Variants in ATP9A observed in about 807,000 individuals in gnomAD.
ATP9A encodes ATPase phospholipid transporting 9A.
A neutral mutation model predicts 144.1 loss-of-function variants in ATP9A; 52 were observed. The observed-to-expected ratio is 0.36, with a 90% confidence interval of 0.29 to 0.45. ATP9A has a LOEUF of 0.45. ATP9A is among the 20% of genes least tolerant of loss of function. The pLI is 1.00. For missense variants in ATP9A, 947 were observed against 1,392.7 expected (o/e 0.68, Z 5.09); for synonymous variants, 582 against 557.4 (o/e 1.04, Z -0.62).
intron 4 of ATP9A, among the ~76,000 whole-genome samples, chr20:51,709,271 T>C (rs924397510): frequency 1.3e-5 from 2 of 152,018 alleles, no homozygotes; most frequent in African/African-American, 4.8e-5. Context: ...TCCCAACACT[T>C]TGGGAGGCTG....
intron 3 of ATP9A, 72 bp downstream of exon 3, chr20:51,725,747 A>C (rs1048316449): frequency 5.5e-6 from 6 of 1,086,132 alleles, no homozygotes; most frequent in Non-Finnish European, 4.2e-6. Flanking sequence ...CAGATGCCTA[A>C]GTGAGAGAAA....
intron 1 of ATP9A, among the ~76,000 whole-genome samples, chr20:51,741,272 C>A (rs62226753): frequency 0.012 from 1,816 of 152,222 alleles, 16 homozygotes; most frequent in Middle Eastern, 0.048. Context: ...AGGAAGCACA[C>A]ACGAACATTA....
At chr20:51,750,491 A>G (rs1353998481) in intron 1 of ATP9A, among the ~76,000 whole-genome samples, 3 of 152,214 alleles carry the variant, frequency 2.0e-5, no homozygotes, top group African/African-American at 7.2e-5. Context: ...AAAAAATTCC[A>G]GAAAACAGGA....
intron 6 of ATP9A, among the ~76,000 whole-genome samples, chr20:51,694,404 T>G (rs1244745891): frequency 6.6e-6 from 1 of 152,112 alleles, no homozygotes; most frequent in Admixed American, 6.5e-5. Context: ...GCTGTAAAGA[T>G]TCAATGGGGA....
chr20:51,641,615 G>A (rs2077319295), intron 14 of ATP9A, among the ~76,000 whole-genome samples: 1 of 151,270 alleles, frequency 6.6e-6, no homozygotes, highest in African/African-American at 2.4e-5. Context: ...AGGAGTTCGA[G>A]ACCAGCCTGG....
At chr20:51,608,215 T>C (rs1379707252) in intron 25 of ATP9A, among the ~76,000 whole-genome samples, 1 of 152,182 alleles carries the variant, frequency 6.6e-6, no homozygotes, top group Non-Finnish European at 1.5e-5. Flanking sequence ...AAACGTTAAG[T>C]TGCAACTGCA....
At chr20:51,721,615 C>T (rs6126322) in intron 3 of ATP9A, among the ~76,000 whole-genome samples, 32,841 of 151,660 alleles carry the variant, frequency 0.22, 4,151 homozygotes, top group East Asian at 0.44. Flanking sequence ...CTGGCTAACA[C>T]AGGTGAAACC....
intron 14 of ATP9A, among the ~76,000 whole-genome samples, chr20:51,642,508 C>G (rs2077323782): frequency 6.6e-6 from 1 of 151,816 alleles, no homozygotes; most frequent in Non-Finnish European, 1.5e-5. Context: ...TTCTATAGAT[C>G]AGGGGTGGAC....
chr20:51,748,908 T>TAGAG (rs2077819352), intron 1 of ATP9A, among the ~76,000 whole-genome samples: 1 of 109,200 alleles, frequency 9.2e-6, no homozygotes, highest in Non-Finnish European at 2.0e-5. Context: ...CTCTAAAGAT[T>TAGAG]AGATAGATAG....
Position 51,747,879 on chromosome 20 carries a change from C to A in ATP9A, c.69-17901G>T, listed in dbSNP as rs1183170257. 3.9e-5 allele frequency among the ~76,000 whole-genome samples: 6 copies of A among 152,306 alleles called. No individual in the cohort carries two copies. In the East Asian group the frequency reaches 1.2e-3, roughly 29 times the overall value. ...CTTTACCAAGCCACCCTCCTGCAGC[C>A]AAGGCAGGCATGCCCCGGAACCCTA... On this transcript the variant is annotated intron_variant, in intron 1 of 27. Coordinates refer to ENST00000338821, the MANE Select transcript of ATP9A (RefSeq NM_006045.3).
intron 2 of ATP9A, among the ~76,000 whole-genome samples, chr20:51,728,344 C>T (rs1011176241): frequency 4.6e-5 from 7 of 152,090 alleles, no homozygotes; most frequent in Non-Finnish European, 7.4e-5. Flanking sequence ...AAAACATTCA[C>T]GGCTGGGAGC....
At position 51,596,576 on chromosome 20, in the gene ATP9A, C is replaced by A. The variant is rs1372969483; in HGVS notation, c.*4635G>T. 6.6e-6 allele frequency: 1 copy of A among 151,840 alleles called. No homozygotes were observed. Among genetic ancestry groups the A allele is most frequent in the Non-Finnish European group, 1.5e-5 (1 of 68,010 alleles). 9.4% of individuals were successfully genotyped at this position (151,840 alleles called of 1,614,324 possible). A position where few individuals can be genotyped will look rare whatever the true frequency, so the allele number is the denominator to read the frequency against. ...GAAATTCTGACACGTCTGGGATGGACAATAGTACAAAATAATAAATAACAT... is the reference window on the plus strand; with the variant it reads ...GAAATTCTGACACGTCTGGGATGGAAAATAGTACAAAATAATAAATAACAT... On this transcript the variant is annotated 3_prime_UTR_variant, in exon 28 of 28. Coordinates refer to ENST00000338821, the MANE Select transcript of ATP9A (RefSeq NM_006045.3).
intron 14 of ATP9A, 113 bp downstream of exon 14, chr20:51,656,825 T>C (rs1051546302): frequency 2.1e-6 from 2 of 943,604 alleles, no homozygotes; most frequent in African/African-American, 1.6e-5. Context: ...CAGCCCTGCA[T>C]CATCCTGGCT....
intron 4 of ATP9A, among the ~76,000 whole-genome samples, chr20:51,711,600 G>T (rs573566584): frequency 6.6e-6 from 1 of 152,084 alleles, no homozygotes. Context: ...GGGGACAATC[G>T]AATAGACTTT....
At chr20:51,746,053 A>G (rs2077806604) in intron 1 of ATP9A, among the ~76,000 whole-genome samples, 3 of 152,232 alleles carry the variant, frequency 2.0e-5, no homozygotes, top group Admixed American at 6.5e-5. Context: ...GGAGGCTATT[A>G]TCCTCAGCAC....
chr20:51,642,311 C>T (rs1195197862), intron 14 of ATP9A, among the ~76,000 whole-genome samples: 6 of 152,022 alleles, frequency 3.9e-5, no homozygotes, highest in Non-Finnish European at 8.8e-5. Flanking sequence ...CCTGCCATCA[C>T]ATCTGCCTAA....
At chr20:51,667,749 T>G (rs2077438744) in intron 13 of ATP9A, among the ~76,000 whole-genome samples, 2 of 151,672 alleles carry the variant, frequency 1.3e-5, no homozygotes, top group South Asian at 4.2e-4. Context: ...TGAGAAGGGA[T>G]GAAGACAAAA....
chr20:51,621,252 T>C (rs1178172700), intron 19 of ATP9A, among the ~76,000 whole-genome samples: 2 of 151,696 alleles, frequency 1.3e-5, no homozygotes, highest in Non-Finnish European at 2.9e-5. Flanking sequence ...AGGAGGAGAA[T>C]TCACAAAGAA....
At position 51,601,055 on chromosome 20, in the gene ATP9A, T is replaced by G; in HGVS notation, c.*156A>C. On this transcript the variant is annotated 3_prime_UTR_variant, in exon 28 of 28. Transcript: ENST00000338821. ...GACCCTCCCTCCCGTTGATGCAGCG[T>G]TAGGACTCCGTTTAGGCGCAGAGCC... is the stretch of plus-strand genomic sequence containing the variant. The G allele has an allele frequency of 2.2e-6, 2 of 909,290 alleles. No individual in the cohort carries two copies. Among genetic ancestry groups the G allele is most frequent in the Non-Finnish European group, 1.6e-6 (1 of 636,694 alleles). The allele number at this position is 909,290 out of a possible 1,614,324, so 56.3% of individuals were successfully genotyped here.
Sources: allele counts gnomAD v4.1 joint callset (sites outside exome capture counted in the v4.1 genomes callset), GRCh38; gene constraint gnomAD v4.1.1; transcripts MANE v1.5; gene names NCBI Gene and HGNC (gene_info 2026-07-23, HGNC 2026-07-21).